Variants in TTC21A observed in about 807,000 individuals in gnomAD.
TTC21A encodes tetratricopeptide repeat domain 21A.
TTC21A carries 128 observed loss-of-function variants against 156.4 expected under a neutral mutation model. That is an observed-to-expected ratio of 0.82 (90% CI 0.71 to 0.95). The LOEUF (loss-of-function observed/expected upper bound fraction) is 0.95. Ranked by LOEUF, TTC21A falls within the 40% of genes least tolerant of loss-of-function variation. The pLI is 0.00. For synonymous variants in TTC21A, 587 were observed against 617.1 expected (o/e 0.95, Z 0.72); for missense variants, 1,435 against 1,602.3 (o/e 0.90, Z 1.78).
chr3:39,107,757 A>C lies in TTC21A; in HGVS notation c.-81A>C. The C allele has an allele frequency of 6.3e-7, 1 of 1,590,764 alleles. No homozygotes were observed. The highest frequency in any genetic ancestry group is 2.2e-5 in the East Asian group (1 of 44,746). On this transcript the variant is annotated 5_prime_UTR_variant, in exon 1 of 29. Transcript: ENST00000683103. ...AACGCCTTCAACCGCCCGCCGCGAT[A>C]GAGTGCCCACGACCCTGCCTCGGGA...
chr3:39,112,332 G>C, intron 4 of TTC21A, 126 bp from the exon 5 acceptor site: 1 of 917,906 alleles, frequency 1.1e-6, no homozygotes, highest in Admixed American at 2.2e-5. Flanking sequence ...GGCTGCCCTG[G>C]GATCTGCACG....
rs2036561626 is a variant in TTC21A at position 39,109,128 on chromosome 3, T to G, written c.71T>G (p.Val24Gly). Residue 24 changes from valine (V) to glycine (G), a missense_variant, in exon 2 of 29, where the codon GTG becomes GGG. Val to Gly is a moderately radical substitution (Grantham distance 109, BLOSUM62 -3). Transcript: ENST00000683103. ...YYSQEKYFHH[V>G]QQAAAVGLEK... ...AGCCAGGAAAAGTACTTCCACCATG[T>G]GCAGCAGGCTGCAGCTGTGGGCCTG... is the stretch of plus-strand genomic sequence containing the variant. The G allele has an allele frequency of 3.1e-6, 5 of 1,614,058 alleles. No individual in the cohort carries two copies. Among genetic ancestry groups the G allele is most frequent in the African/African-American group, 1.3e-5 (1 of 74,934 alleles).
Position 39,114,719 on chromosome 3 carries a change from G to A in TTC21A, c.693G>A (p.Glu231=). 1 of 1,614,252 alleles carries A rather than the reference G, an allele frequency of 6.2e-7. No homozygotes were observed. The change falls in exon 6 of 29, where the codon GAG becomes GAA. Residue 231 remains glutamate (E), a synonymous_variant. Transcript: ENST00000683103. ...MQLFLARQDW[E]QTVEMGHRIL... is the part of the protein sequence containing the mutation. ...TGTTCTTAGCTCGGCAGGACTGGGA[G>A]CAGACAGTAGAAATGGGACACAGGT...
chr3:39,116,424 G>A (rs2037290226), intron 6 of TTC21A, among the ~76,000 whole-genome samples: 1 of 151,042 alleles, frequency 6.6e-6, no homozygotes, highest in Non-Finnish European at 1.5e-5. Flanking sequence ...TAGAAATTTT[G>A]TATTATAAAT....
chr3:39,122,582 C>A (rs1485020546), intron 9 of TTC21A, among the ~76,000 whole-genome samples: 3 of 152,066 alleles, frequency 2.0e-5, no homozygotes, highest in Non-Finnish European at 4.4e-5. Flanking sequence ...TGCCACGGGG[C>A]AGTGAGAGCG....
At chr3:39,117,999 G>T in intron 6 of TTC21A, 70 bp from the exon 7 acceptor site, 1 of 1,086,108 alleles carries the variant, frequency 9.2e-7, no homozygotes. Flanking sequence ...ACAATCAGAA[G>T]TCGCCAACAC....
chr3:39,131,266 A>G (rs1398247221), intron 19 of TTC21A, among the ~76,000 whole-genome samples, 171 bp downstream of exon 19: 1 of 152,166 alleles, frequency 6.6e-6, no homozygotes, highest in East Asian at 1.9e-4. Flanking sequence ...TGGTTCATTC[A>G]GTTATGGTAC....
At position 39,135,193 on chromosome 3, in the gene TTC21A, A is replaced by ACTGC. The variant is rs751138713; in HGVS notation, c.2944+23_2944+26dup. ...GCGCCAGGTAATTCTGCCCATGGAG[A>ACTGC]CTGCCTGTACCAGTTCCCACTGAGC... On this transcript the variant is annotated intron_variant, in intron 22 of 28. Coordinates refer to ENST00000683103, the MANE Select transcript of TTC21A (RefSeq NM_001366900.1). 4 of 1,607,762 alleles carry ACTGC rather than the reference A, an allele frequency of 2.5e-6. No individual in the cohort carries two copies. In the African/African-American group the frequency reaches 5.3e-5, roughly 22 times the overall value.
intron 21 of TTC21A, 83 bp from the exon 22 acceptor site, chr3:39,135,010 C>A (rs1671004774): frequency 5.9e-6 from 7 of 1,178,968 alleles, no homozygotes. Flanking sequence ...TTACCACCAT[C>A]ACCCCCATAC....
chr3:39,134,089 G>A lies in TTC21A; in HGVS notation c.2752-129G>A. On this transcript the variant is annotated intron_variant, in intron 20 of 28. Transcript: ENST00000683103. The surrounding 1 kb of genome is among the most constrained non-coding windows in gnomAD (Gnocchi z 4.6). ...GGGGAAGGCCAGGACGTTCACGTGGGGAATTCGAGACATATTTTGAAGGCA... is the reference window on the plus strand; with the variant it reads ...GGGGAAGGCCAGGACGTTCACGTGGAGAATTCGAGACATATTTTGAAGGCA... 1 of 710,698 alleles carries A rather than the reference G, an allele frequency of 1.4e-6. No individual in the cohort carries two copies. The highest frequency in any genetic ancestry group is 1.6e-5 in the South Asian group (1 of 62,618). The allele number at this position is 710,698 out of a possible 1,614,324, so 44.0% of individuals were successfully genotyped here. A position where few individuals can be genotyped will look rare whatever the true frequency, so the allele number is the denominator to read the frequency against.
At position 39,134,149 on chromosome 3, in the gene TTC21A, G is replaced by C; in HGVS notation, c.2752-69G>C. ...GAAGTGGGGTGTGAGGGAAAGAGCT[G>C]TCAAGGATAACCCCAGGGGTTTCCC... is the stretch of plus-strand genomic sequence containing the variant. On this transcript the variant is annotated intron_variant, in intron 20 of 28. Transcript: ENST00000683103. The surrounding 1 kb of genome is among the most constrained non-coding windows in gnomAD (Gnocchi z 4.6). The C allele has an allele frequency of 3.0e-6, 3 of 988,872 alleles. No individual in the cohort carries two copies. The highest frequency in any genetic ancestry group is 4.9e-6 in the Non-Finnish European group (3 of 616,488). The allele number at this position is 988,872 out of a possible 1,614,324, so 61.3% of individuals were successfully genotyped here. A position where few individuals can be genotyped will look rare whatever the true frequency, so the allele number is the denominator to read the frequency against.
chr3:39,124,287 C>T (rs1001922959), intron 9 of TTC21A, among the ~76,000 whole-genome samples: 19 of 152,224 alleles, frequency 1.2e-4, no homozygotes, highest in African/African-American at 4.1e-4. Flanking sequence ...CACAGTAAAA[C>T]ATTGTGTTGT....
intron 12 of TTC21A, among the ~76,000 whole-genome samples, chr3:39,126,665 G>GCA (rs1197143028): frequency 1.3e-5 from 2 of 149,026 alleles, no homozygotes; most frequent in Non-Finnish European, 1.5e-5. Flanking sequence ...GCACACACGT[G>GCA]CACACACACA....
At chr3:39,112,703 G>C in intron 5 of TTC21A, 123 bp downstream of exon 5, 2 of 1,456,176 alleles carry the variant, frequency 1.4e-6, no homozygotes, top group Non-Finnish European at 1.8e-6. Context: ...TAGATAAAGA[G>C]CAGAGGCCCA....
rs748687254 is a variant in TTC21A at position 39,121,195 on chromosome 3, T to G, written c.1093+6T>G. 9 of 1,608,790 alleles carry G rather than the reference T, an allele frequency of 5.6e-6. No homozygotes were observed. Among genetic ancestry groups the G allele is most frequent in the Admixed American group, 1.7e-5 (1 of 59,698 alleles). On this transcript the variant is annotated splice_donor_region_variant and intron_variant, in intron 9 of 28. Transcript: ENST00000683103. ...TGGCATGGCTGGTTTGACAGGTATA[T>G]GCAGGTGTGGCAGGGCTCAGGGATG...
Position 39,129,423 on chromosome 3 carries a change from T to TA in TTC21A, c.2135+114dup, listed in dbSNP as rs141220563. 1,870 of 809,430 alleles carry TA rather than the reference T, an allele frequency of 2.3e-3. 25 individuals carry two copies. The African/African-American group carries it at 0.027, about 12-fold the overall frequency. 50.1% of individuals were successfully genotyped at this position (809,430 alleles called of 1,614,324 possible). On this transcript the variant is annotated intron_variant, in intron 15 of 28. Transcript: ENST00000683103. ...GTCTCCAGAATGTGTCCTTGGAGTGTAGTTGATGAATGTATGGAATTGTCC... is the reference window on the plus strand; with the variant it reads ...GTCTCCAGAATGTGTCCTTGGAGTGTAAGTTGATGAATGTATGGAATTGTCC...
chr3:39,118,299 C>T (rs1182689116), intron 7 of TTC21A, 146 bp downstream of exon 7: 1 of 742,896 alleles, frequency 1.3e-6, no homozygotes, highest in Non-Finnish European at 2.3e-6. Flanking sequence ...TACTCGCTGC[C>T]AAGGAGGCCT....
intron 3 of TTC21A, 72 bp downstream of exon 3, chr3:39,110,211 C>A (rs761886719): frequency 5.1e-6 from 6 of 1,183,060 alleles, no homozygotes; most frequent in South Asian, 1.2e-5. Context: ...GATAACACAG[C>A]CCCTCAAGGG....
chr3:39,109,978 G>A (rs753920271), intron 2 of TTC21A, 51 bp from the exon 3 acceptor site: 31 of 1,371,350 alleles, frequency 2.3e-5, no homozygotes, highest in Non-Finnish European at 3.1e-5. Context: ...AGAGTCTCAT[G>A]TCCTCTAGTC....
Sources: allele counts gnomAD v4.1 joint callset (sites outside exome capture counted in the v4.1 genomes callset), GRCh38; gene constraint gnomAD v4.1.1; non-coding constraint Gnocchi (gnomAD v3.1); transcripts MANE v1.5; gene names NCBI Gene and HGNC (gene_info 2026-07-23, HGNC 2026-07-21).